KCTD5: variants seen among roughly 807,000 people sequenced by gnomAD.
KCTD5 encodes potassium channel tetramerization domain containing 5, also known as BTB/POZ domain-containing protein KCTD5.
In KCTD5, 12 loss-of-function variants were observed where a neutral mutation model predicts 27.9. The observed-to-expected ratio is 0.43, with a 90% CI of 0.28 to 0.70. The LOEUF (loss-of-function observed/expected upper bound fraction) is 0.70, where lower values mean the gene tolerates loss of function less well. Ranked by LOEUF, KCTD5 falls within the 30% of genes least tolerant of loss-of-function variation. The probability of loss-of-function intolerance (pLI) is 0.19; values close to 1 mark genes in which losing one functional copy is unlikely to be tolerated. For synonymous variants in KCTD5, 147 were observed against 121.4 expected (o/e 1.21, Z -1.39); for missense variants, 226 against 274.8 (o/e 0.82, Z 1.26).
At position 2,697,989 on chromosome 16, in the gene KCTD5, A is replaced by T; in HGVS notation, c.445A>T (p.Thr149Ser). 2.5e-6 allele frequency: 4 copies of T among 1,607,826 alleles called. No homozygotes were observed. The highest frequency in any genetic ancestry group is 3.4e-6 in the Non-Finnish European group (4 of 1,174,464). ...KDKIRERDSKTSQVPVKHVYR... is the reference protein window; with the variant it reads ...KDKIRERDSKSSQVPVKHVYR... The stretch of plus-strand genomic sequence containing the variant: ...CAAAATTAGAGAACGAGACAGCAAA[A>T]CATCGCAGGTGAGACAAATGACTGA... Residue 149 changes from threonine to serine, a missense_variant, in exon 3 of 6, where the codon ACA becomes TCA. This residue lies in a region of KCTD5 where 135 missense variants were observed against 207.0 expected (regional missense o/e 0.65). Transcript: ENST00000301738.
At position 2,686,874 on chromosome 16, in the gene KCTD5, G is replaced by A. The variant is rs556397024; in HGVS notation, c.252+4074G>A. ...GCTTGGCAAGAGAAGTGGGGATCAC[G>A]TCTAGTGGAGATGGCAGATGATGTT... On this transcript the variant is annotated intron_variant, in intron 1 of 5. Transcript: ENST00000301738. Among the ~76,000 whole-genome samples the A allele has an allele frequency of 1.2e-4, 18 of 152,248 alleles. No individual in the cohort carries two copies. The East Asian group carries it at 2.9e-3, about 25-fold the overall frequency.
intron 5 of KCTD5, among the ~76,000 whole-genome samples, chr16:2,706,208 T>C (rs2067635123): frequency 6.6e-6 from 1 of 152,086 alleles, no homozygotes; most frequent in Non-Finnish European, 1.5e-5. Context: ...GGTGGAGTAT[T>C]GGAGTCAGGC....
Position 2,707,468 on chromosome 16 carries a change from C to T in KCTD5, c.*141C>T. The T allele has an allele frequency of 1.1e-6, 1 of 905,896 alleles. No individual in the cohort carries two copies. Among genetic ancestry groups the T allele is most frequent in the Non-Finnish European group, 1.8e-6 (1 of 553,136 alleles). 56.1% of individuals were successfully genotyped at this position (905,896 alleles called of 1,614,324 possible). ...GATCTGGGTGTGAATCCTTTTTTGC[C>T]TCTGAGGTGGGTGGTGAGAGACGGG... On this transcript the variant is annotated 3_prime_UTR_variant, in exon 6 of 6. Coordinates refer to ENST00000301738, the MANE Select transcript of KCTD5 (RefSeq NM_018992.4).
At chr16:2,684,835 G>A (rs1042952913) in intron 1 of KCTD5, 1 of 152,150 alleles carries the variant, frequency 6.6e-6, no homozygotes, top group Non-Finnish European at 1.5e-5. Flanking sequence ...CTACTCTGGA[G>A]GCTGAGGCAG....
At chr16:2,704,556 CGCCAT>C (rs1259926613) in intron 5 of KCTD5, among the ~76,000 whole-genome samples, 1 of 152,250 alleles carries the variant, frequency 6.6e-6, no homozygotes, top group Non-Finnish European at 1.5e-5. Flanking sequence ...GACTCAAGGC[CGCCAT>C]TTATTCCCAA....
chr16:2,698,935 T>G (rs1368211307), intron 3 of KCTD5, among the ~76,000 whole-genome samples: 1 of 152,208 alleles, frequency 6.6e-6, no homozygotes, highest in African/African-American at 2.4e-5. Context: ...CCTACCTGTA[T>G]GACGCAGGTG....
chr16:2,708,449 C>G lies in KCTD5; in HGVS notation c.*1122C>G, dbSNP rs1185676034. The G allele has an allele frequency of 6.6e-6, 1 of 152,518 alleles. No homozygotes were observed. The highest frequency in any genetic ancestry group is 1.5e-5 in the Non-Finnish European group (1 of 68,074). 9.4% of individuals were successfully genotyped at this position (152,518 alleles called of 1,614,324 possible). A position where few individuals can be genotyped will look rare whatever the true frequency, so the allele number is the denominator to read the frequency against. ...TTCTCAGCTGGCTGTGGGGACCTGTCAGAGTCTGGGGACTCGGCGTGCAGG... is the reference window on the plus strand; with the variant it reads ...TTCTCAGCTGGCTGTGGGGACCTGTGAGAGTCTGGGGACTCGGCGTGCAGG... On this transcript the variant is annotated 3_prime_UTR_variant, in exon 6 of 6. Transcript: ENST00000301738.
intron 4 of KCTD5, 94 bp from the exon 5 acceptor site, chr16:2,702,259 C>T (rs1016350708): frequency 1.1e-5 from 16 of 1,502,958 alleles, no homozygotes; most frequent in African/African-American, 8.3e-5. Context: ...CTGTGGCTTT[C>T]GCGGTGGCAG....
chr16:2,692,370 G>A (rs2142054155), intron 1 of KCTD5, among the ~76,000 whole-genome samples: 1 of 152,330 alleles, frequency 6.6e-6, no homozygotes, highest in Middle Eastern at 3.4e-3. Context: ...AGACTGTGGG[G>A]GCAGCTCCTC....
chr16:2,704,787 G>A (rs2067627785), intron 5 of KCTD5, among the ~76,000 whole-genome samples: 1 of 152,216 alleles, frequency 6.6e-6, no homozygotes, highest in African/African-American at 2.4e-5. Flanking sequence ...TGGGGCCAAT[G>A]CAGTGGGGTC....
At chr16:2,690,300 A>G (rs1290447946) in intron 1 of KCTD5, among the ~76,000 whole-genome samples, 8 of 152,174 alleles carry the variant, frequency 5.3e-5, no homozygotes, top group Non-Finnish European at 1.2e-4. Context: ...TCCCGTGGCC[A>G]GGGTCGCCCT....
chr16:2,688,569 C>T (rs1191763222), intron 1 of KCTD5, among the ~76,000 whole-genome samples: 2 of 150,268 alleles, frequency 1.3e-5, no homozygotes, highest in Non-Finnish European at 3.0e-5. Context: ...ATGCTAAGAA[C>T]GCTTTTCCCC....
chr16:2,691,346 G>A (rs2142053660), intron 1 of KCTD5, among the ~76,000 whole-genome samples: 1 of 152,362 alleles, frequency 6.6e-6, no homozygotes, highest in East Asian at 1.9e-4. Flanking sequence ...GGAACCCATG[G>A]GAAGAAACGG....
chr16:2,704,522 C>G (rs146809651), intron 5 of KCTD5, among the ~76,000 whole-genome samples: 3 of 152,228 alleles, frequency 2.0e-5, no homozygotes, highest in Non-Finnish European at 4.4e-5. Context: ...TAGAAGGACT[C>G]GCAGAGCTCA....
At chr16:2,685,143 G>A (rs1338957832) in intron 1 of KCTD5, among the ~76,000 whole-genome samples, 2 of 152,114 alleles carry the variant, frequency 1.3e-5, no homozygotes, top group Non-Finnish European at 2.9e-5. Flanking sequence ...ATTGGAGTAG[G>A]GGCCGGGCAA....
chr16:2,702,476 A>T lies in KCTD5; in HGVS notation c.673A>T (p.Lys225Ter). ...GGCCAGCGAGCCCAGCGAGAAGGCC[A>T]AGGTGAGTGCTGGGCCGGCCCTGGC... The part of the protein sequence containing the change: ...GTASEPSEKA[K>*]ILQERGSRM Residue 225 changes from lysine (K) to a stop codon, truncating the protein, a stop_gained and splice_region_variant, in exon 5 of 6, where the codon AAG (lysine) becomes TAG (stop). Transcript: ENST00000301738. LOFTEE classifies it high-confidence loss of function. The T allele has an allele frequency of 6.2e-7, 1 of 1,612,902 alleles. No individual in the cohort carries two copies. Among genetic ancestry groups the T allele is most frequent in the Non-Finnish European group, 8.5e-7 (1 of 1,179,800 alleles).
chr16:2,696,881 G>A (rs935886788), intron 2 of KCTD5, among the ~76,000 whole-genome samples: 4 of 152,230 alleles, frequency 2.6e-5, no homozygotes, highest in Admixed American at 2.6e-4. Flanking sequence ...TCTTTCACAT[G>A]TACTCTCTCT....
intron 1 of KCTD5, among the ~76,000 whole-genome samples, chr16:2,690,980 G>A (rs1210427751): frequency 6.6e-6 from 1 of 152,208 alleles, no homozygotes; most frequent in Non-Finnish European, 1.5e-5. Context: ...CGAGGCCCTC[G>A]CGCCTGGGCT....
intron 1 of KCTD5, among the ~76,000 whole-genome samples, chr16:2,690,981 C>T (rs1411105093): frequency 1.3e-5 from 2 of 152,248 alleles, no homozygotes; most frequent in South Asian, 2.1e-4. Flanking sequence ...GAGGCCCTCG[C>T]GCCTGGGCTG....
Sources: allele counts gnomAD v4.1 joint callset (sites outside exome capture counted in the v4.1 genomes callset), GRCh38; gene constraint gnomAD v4.1.1; regional missense constraint gnomAD v4.1.1; transcripts MANE v1.5; gene names NCBI Gene and HGNC (gene_info 2026-07-23, HGNC 2026-07-21).